Variants in KCNQ3 observed in about 807,000 individuals in gnomAD.
KCNQ3 encodes the protein potassium voltage-gated channel subfamily KQT member 3.
In KCNQ3, 30 loss-of-function variants were observed where a neutral mutation model predicts 92.5. That is an observed-to-expected ratio of 0.32 (90% CI 0.24 to 0.44). The LOEUF (loss-of-function observed/expected upper bound fraction) is 0.44, where lower values mean the gene tolerates loss of function less well. KCNQ3 is among the 20% of genes least tolerant of loss of function. The pLI is 1.00. For missense variants in KCNQ3, 913 were observed against 1,140.3 expected, an observed-to-expected ratio of 0.80 and a Z score of 2.87; for synonymous variants, 450 against 468.8, an observed-to-expected ratio of 0.96 and a Z score of 0.52.
intron 1 of KCNQ3, among the ~76,000 whole-genome samples, chr8:132,427,650 A>C (rs1291559762): frequency 6.6e-6 from 1 of 152,210 alleles, no homozygotes; most frequent in Non-Finnish European, 1.5e-5. Flanking sequence ...CTGGGCAGCA[A>C]AACCAAAGAA....
intron 1 of KCNQ3, among the ~76,000 whole-genome samples, chr8:132,430,323 G>C (rs959360507): frequency 2.0e-5 from 3 of 152,188 alleles, no homozygotes; most frequent in Non-Finnish European, 2.9e-5. Context: ...AATTTTAAAA[G>C]GGCCCAAGCA....
Position 132,127,831 on chromosome 8 carries a change from T to C in KCNQ3, c.*1431A>G, listed in dbSNP as rs905369192. The C allele has an allele frequency of 5.3e-5, 8 of 152,214 alleles. No homozygotes were observed. The highest frequency in any genetic ancestry group is 1.9e-4 in the African/African-American group (8 of 41,452). The allele number at this position is 152,214 out of a possible 1,614,324, so 9.4% of individuals were successfully genotyped here. A position where few individuals can be genotyped will look rare whatever the true frequency, so the allele number is the denominator to read the frequency against. Reference sequence around the variant, plus strand: ...TGTGCTTAATATCACACCTGTACAGTAGGGCAGTGCTTCCCAGGCTGTCTG... The same window carrying C: ...TGTGCTTAATATCACACCTGTACAGCAGGGCAGTGCTTCCCAGGCTGTCTG... On this transcript the variant is annotated 3_prime_UTR_variant, in exon 15 of 15. Transcript: ENST00000388996.
chr8:132,212,690 C>T (rs575813263), intron 1 of KCNQ3, among the ~76,000 whole-genome samples: 13 of 152,242 alleles, frequency 8.5e-5, no homozygotes, highest in East Asian at 5.8e-4. Flanking sequence ...TCAGGCACCC[C>T]GCCATGCTTC....
chr8:132,296,613 C>T (rs1322929853), intron 1 of KCNQ3, among the ~76,000 whole-genome samples: 1 of 149,056 alleles, frequency 6.7e-6, no homozygotes, highest in African/African-American at 2.5e-5. Context: ...TTGTTCAATT[C>T]CCACCTATGA....
At chr8:132,297,211 A>G (rs546164238) in intron 1 of KCNQ3, among the ~76,000 whole-genome samples, 3,871 of 152,078 alleles carry the variant, frequency 0.025, 185 homozygotes, top group African/African-American at 0.088. Flanking sequence ...GTCTGTTCAT[A>G]TCCTTCACCC....
chr8:132,181,962 G>A (rs62519593), intron 3 of KCNQ3, among the ~76,000 whole-genome samples: 6,811 of 151,424 alleles, frequency 0.045, 241 homozygotes, highest in Non-Finnish European at 0.068. Context: ...GGAGAATGGC[G>A]TGAACCCAGG....
intron 9 of KCNQ3, among the ~76,000 whole-genome samples, chr8:132,149,770 G>A (rs1202178800): frequency 1.1e-4 from 16 of 152,096 alleles, no homozygotes; most frequent in Non-Finnish European, 4.4e-5. Context: ...TGTGCCTCAT[G>A]TGTGTGCAGT....
At chr8:132,180,625 C>G (rs1455380331) in intron 3 of KCNQ3, among the ~76,000 whole-genome samples, 1 of 152,074 alleles carries the variant, frequency 6.6e-6, no homozygotes, top group Middle Eastern at 3.2e-3. Context: ...TTTACCAAGG[C>G]CCCCCGCAGT....
chr8:132,144,709 T>G (rs953363764), intron 9 of KCNQ3, among the ~76,000 whole-genome samples: 1 of 152,192 alleles, frequency 6.6e-6, no homozygotes, highest in African/African-American at 2.4e-5. Context: ...CTCCGTGTAG[T>G]TTCTTCACAT....
At chr8:132,366,354 T>G (rs1422359251) in intron 1 of KCNQ3, among the ~76,000 whole-genome samples, 1 of 152,192 alleles carries the variant, frequency 6.6e-6, no homozygotes, top group Non-Finnish European at 1.5e-5. Flanking sequence ...TTTACTTGAT[T>G]TAAGTTTTCC....
intron 1 of KCNQ3, among the ~76,000 whole-genome samples, chr8:132,473,025 T>C (rs996927576): frequency 2.0e-5 from 3 of 152,026 alleles, no homozygotes; most frequent in African/African-American, 7.2e-5. Context: ...AACAGCAGAG[T>C]TAAATGCAAC....
chr8:132,193,267 G>A (rs1388151942), intron 1 of KCNQ3, among the ~76,000 whole-genome samples: 2 of 152,166 alleles, frequency 1.3e-5, no homozygotes, highest in African/African-American at 4.8e-5. Flanking sequence ...TCACCTCCAT[G>A]CTTCCACCTT....
At chr8:132,463,443 CA>C in intron 1 of KCNQ3, among the ~76,000 whole-genome samples, 1 of 152,322 alleles carries the variant, frequency 6.6e-6, no homozygotes, top group Middle Eastern at 3.4e-3. Context: ...ATAATTTACT[CA>C]GGAAAGAAAT....
At chr8:132,403,942 T>C (rs1474003015) in intron 1 of KCNQ3, among the ~76,000 whole-genome samples, 1 of 152,182 alleles carries the variant, frequency 6.6e-6, no homozygotes, top group Non-Finnish European at 1.5e-5. Context: ...GCCAGAGCCA[T>C]GGGGTGGGTA....
chr8:132,174,862 C>A (rs1021774241), intron 5 of KCNQ3, among the ~76,000 whole-genome samples: 1 of 152,158 alleles, frequency 6.6e-6, no homozygotes, highest in Non-Finnish European at 1.5e-5. Context: ...GTGTGGCCTC[C>A]GGAGCCTAAC....
At chr8:132,329,613 G>A (rs2130657324) in intron 1 of KCNQ3, among the ~76,000 whole-genome samples, 1 of 152,044 alleles carries the variant, frequency 6.6e-6, no homozygotes, top group Non-Finnish European at 1.5e-5. Context: ...ACATCCCAAG[G>A]CACCCCCAGA....
At chr8:132,189,179 T>G (rs767237053) in intron 1 of KCNQ3, among the ~76,000 whole-genome samples, 1 of 152,140 alleles carries the variant, frequency 6.6e-6, no homozygotes, top group Non-Finnish European at 1.5e-5. Flanking sequence ...CCTGTCCACT[T>G]TTGCCATGTC....
chr8:132,459,683 T>G (rs1319557754), intron 1 of KCNQ3, among the ~76,000 whole-genome samples: 1 of 151,956 alleles, frequency 6.6e-6, no homozygotes, highest in Non-Finnish European at 1.5e-5. Context: ...CTATAACACC[T>G]GGCTTGAGGT....
At chr8:132,427,244 G>A (rs1821135864) in intron 1 of KCNQ3, among the ~76,000 whole-genome samples, 1 of 152,194 alleles carries the variant, frequency 6.6e-6, no homozygotes, top group South Asian at 2.1e-4. Context: ...CTCTATGGGA[G>A]TAAGAGTACC....
Sources: gnomAD v4.1 joint callset for allele counts (sites outside exome capture counted in the v4.1 genomes callset) on GRCh38, gnomAD v4.1.1 for gene constraint, MANE v1.5 for transcripts, NCBI Gene and HGNC (gene_info 2026-07-23, HGNC 2026-07-21) for gene names.